The following AKAP3 variants were observed in gnomAD, a reference collection of about 807,000 sequenced individuals.
AKAP3 encodes A-kinase anchor protein 3.
A neutral mutation model predicts 57.2 loss-of-function variants in AKAP3; 27 were observed. The ratio of observed to expected loss-of-function variants is 0.47; its 90% CI spans 0.35 to 0.65. AKAP3 has a LOEUF of 0.65. Among genes scored for constraint, AKAP3 ranks in the 30% least tolerant of loss-of-function variants. The pLI is 0.01. For missense variants in AKAP3, 959 were observed against 1,040.0 expected (o/e 0.92, Z 1.07); for synonymous variants, 334 against 392.3 (o/e 0.85, Z 1.76).
intron 5 of AKAP3, among the ~76,000 whole-genome samples, chr12:4,621,431 C>T (rs534211901): frequency 6.0e-4 from 92 of 152,334 alleles, no homozygotes; most frequent in African/African-American, 2.2e-3. Context: ...GTCCTGTGAG[C>T]TCCATTCATG....
intron 3 of AKAP3, among the ~76,000 whole-genome samples, chr12:4,640,245 A>G (rs1945621562): frequency 6.6e-6 from 1 of 152,224 alleles, no homozygotes; most frequent in Non-Finnish European, 1.5e-5. Context: ...GTGGAATAAG[A>G]TAGCCCATTT....
At chr12:4,636,973 T>TG (rs1453929641) in intron 4 of AKAP3, among the ~76,000 whole-genome samples, 4 of 152,288 alleles carry the variant, frequency 2.6e-5, no homozygotes, top group Non-Finnish European at 5.9e-5. Flanking sequence ...CTCCAACTCC[T>TG]GGGCTCAAGC....
intron 3 of AKAP3, among the ~76,000 whole-genome samples, chr12:4,639,715 T>C (rs962802437): frequency 6.6e-6 from 1 of 152,106 alleles, no homozygotes; most frequent in African/African-American, 2.4e-5. Context: ...CTCAGAATGA[T>C]GGTTTCCAGC....
At position 4,626,516 on chromosome 12, in the gene AKAP3, C is replaced by G. The variant is rs533468028; in HGVS notation, c.2386G>C (p.Asp796His). The part of the protein sequence containing the change: ...NVPILYFAGD[D>H]EGIQEKLLQL... ...CTTACCTTCTCCTGGATCCCTTCAT[C>G]ATCACCAGCAAAATACAAAATAGGG... The change falls in exon 5 of 6, where the codon GAT becomes CAT. Residue 796 changes from aspartate to histidine, a missense_variant. Coordinates refer to ENST00000228850, the MANE Select transcript of AKAP3 (RefSeq NM_001278309.2). 2 of 1,613,994 alleles carry G rather than the reference C, an allele frequency of 1.2e-6. No homozygotes were observed. The highest frequency in any genetic ancestry group is 2.7e-5 in the African/African-American group (2 of 75,048).
At chr12:4,624,316 C>CGTGTGT (rs71061197) in intron 5 of AKAP3, among the ~76,000 whole-genome samples, 3 of 42,992 alleles carry the variant, frequency 7.0e-5, no homozygotes, top group African/African-American at 1.9e-4. Flanking sequence ...TGTGACTTTA[C>CGTGTGT]GTGTGTGTGT....
chr12:4,644,186 T>C (rs1945670450), intron 2 of AKAP3, among the ~76,000 whole-genome samples: 1 of 152,192 alleles, frequency 6.6e-6, no homozygotes, highest in Non-Finnish European at 1.5e-5. Flanking sequence ...ATTTTTACCT[T>C]CCCTAAGTAA....
chr12:4,630,417 C>T (rs992942155), intron 4 of AKAP3, among the ~76,000 whole-genome samples: 2 of 152,140 alleles, frequency 1.3e-5, no homozygotes, highest in Admixed American at 1.3e-4. Context: ...ATTCTAAAAT[C>T]TGGGCGCTCC....
At position 4,629,264 on chromosome 12, in the gene AKAP3, T is replaced by C. The variant is rs144790702; in HGVS notation, c.97-459A>G. Among the ~76,000 whole-genome samples the C allele has an allele frequency of 7.9e-4, 120 of 152,366 alleles. 1 individual carries two copies. Among genetic ancestry groups the C allele is most frequent in the African/African-American group, 2.7e-3 (112 of 41,582 alleles). ...TGACTTCCAGCTCCATCCATGTCCC[T>C]GTAAAGGACGTGATATCATTCTTTT... On this transcript the variant is annotated intron_variant, in intron 4 of 5. Transcript: ENST00000228850.
intron 4 of AKAP3, among the ~76,000 whole-genome samples, chr12:4,629,875 T>G (rs982998959): frequency 6.6e-6 from 1 of 152,226 alleles, no homozygotes; most frequent in African/African-American, 2.4e-5. Context: ...TCCAATGGAC[T>G]GACATCATTT....
At chr12:4,629,144 T>C (rs114376555) in intron 4 of AKAP3, among the ~76,000 whole-genome samples, 1,606 of 152,328 alleles carry the variant, frequency 0.011, 27 homozygotes, top group African/African-American at 0.036. Flanking sequence ...ATTCCAGCCC[T>C]GGCAGTCTGA....
intron 4 of AKAP3, among the ~76,000 whole-genome samples, chr12:4,630,823 G>C (rs1320617244): frequency 6.6e-6 from 1 of 152,134 alleles, no homozygotes; most frequent in Non-Finnish European, 1.5e-5. Flanking sequence ...GCCTCCAATG[G>C]CACGTTCACT....
intron 4 of AKAP3, chr12:4,635,546 G>T: frequency 1.4e-6 from 1 of 702,826 alleles, no homozygotes; most frequent in Non-Finnish European, 2.6e-6. Flanking sequence ...ATAGGACTGT[G>T]CTTCCTGGAA....
chr12:4,616,373 G>A (rs1224708034), intron 5 of AKAP3, among the ~76,000 whole-genome samples: 1 of 152,216 alleles, frequency 6.6e-6, no homozygotes, highest in East Asian at 1.9e-4. Flanking sequence ...ATTCATTGCA[G>A]GTATTGGAGC....
At position 4,635,375 on chromosome 12, in the gene AKAP3, T is replaced by C. The variant is rs1455981668; in HGVS notation, c.96+2726A>G. ...TACAACACTGACTCCTGTTTGGTTG[T>C]GTGGGTTCAGTAAGGGCTACTCCTC... is the stretch of plus-strand genomic sequence containing the variant. On this transcript the variant is annotated intron_variant, in intron 4 of 5. Transcript: ENST00000228850. 1.1e-5 allele frequency: 7 copies of C among 633,024 alleles called. No homozygotes were observed. The Admixed American group carries it at 1.6e-4, about 15-fold the overall frequency. The allele number at this position is 633,024 out of a possible 1,614,324, so 39.2% of individuals were successfully genotyped here.
Position 4,624,025 on chromosome 12 carries a change from C to T in AKAP3, c.2406+2471G>A, listed in dbSNP as rs1019315601. Among the ~76,000 whole-genome samples, 5 of 152,002 alleles carry T rather than the reference C, an allele frequency of 3.3e-5. No individual in the cohort carries two copies. In the South Asian group the frequency reaches 1.0e-3, roughly 32 times the overall value. ...ATTACACAAATAATATTCTCAGTGACCTTGAAGTTCCTTTCCTAGGTGTAT... is the reference window on the plus strand; with the variant it reads ...ATTACACAAATAATATTCTCAGTGATCTTGAAGTTCCTTTCCTAGGTGTAT... On this transcript the variant is annotated intron_variant, in intron 5 of 5. Coordinates refer to ENST00000228850, the MANE Select transcript of AKAP3 (RefSeq NM_001278309.2).
chr12:4,633,742 G>T (rs1945528536), intron 4 of AKAP3, among the ~76,000 whole-genome samples: 1 of 149,506 alleles, frequency 6.7e-6, no homozygotes, highest in African/African-American at 2.5e-5. Flanking sequence ...TTTTGCTTCA[G>T]TAGTTTTAAG....
chr12:4,620,474 CAAAAAAAA>C (rs35307509), intron 5 of AKAP3, among the ~76,000 whole-genome samples: 1 of 82,702 alleles, frequency 1.2e-5, no homozygotes, highest in African/African-American at 5.1e-5. Context: ...GAGACTGTCT[CAAAAAAAA>C]AAAAAAAAAA....
In AKAP3 at chr12:4,627,047, C is replaced by T; in HGVS notation, c.1855G>A (p.Glu619Lys). Residue 619 changes from glutamate (E) to lysine (K), a missense_variant, in exon 5 of 6, where the codon GAA becomes AAA. By Grantham distance (56) the Glu-to-Lys change is moderately conservative (BLOSUM62 1). Coordinates refer to ENST00000228850, the MANE Select transcript of AKAP3 (RefSeq NM_001278309.2). ...TTCCTATCTTCCTTAACTGGCTGTT[C>T]CGGCACCTTGGGTTCAGGGCTCTGG... ...RDQSPEPKVP[E>K]QPVKEDRKLC... 6.2e-7 allele frequency: 1 copy of T among 1,613,994 alleles called. No individual in the cohort carries two copies. The highest frequency in any genetic ancestry group is 1.3e-5 in the African/African-American group (1 of 75,036).
At chr12:4,633,684 G>A (rs1480010803) in intron 4 of AKAP3, among the ~76,000 whole-genome samples, 2 of 139,976 alleles carry the variant, frequency 1.4e-5, no homozygotes, top group African/African-American at 5.6e-5. Flanking sequence ...TGTCCATGAA[G>A]GAGAATATAA....
Sources: allele counts gnomAD v4.1 joint callset (sites outside exome capture counted in the v4.1 genomes callset), GRCh38; gene constraint gnomAD v4.1.1; transcripts MANE v1.5; gene names NCBI Gene and HGNC (gene_info 2026-07-23, HGNC 2026-07-21).